MTFR2: variants seen among roughly 807,000 people sequenced by gnomAD.
The protein encoded by MTFR2 is DUF729 domain-containing protein 1.
A neutral mutation model predicts 41.2 loss-of-function variants in MTFR2; 44 were observed. That is an observed-to-expected ratio of 1.07 (90% CI 0.84 to 1.37). The LOEUF (loss-of-function observed/expected upper bound fraction) is 1.37, where lower values mean the gene tolerates loss of function less well. Among genes scored for constraint, MTFR2 ranks in the 40% most tolerant of loss-of-function variants. MTFR2 has a pLI of 0.00. For missense variants in MTFR2, 452 were observed against 459.5 expected (o/e 0.98, Z 0.15); for synonymous variants, 141 against 154.6 (o/e 0.91, Z 0.65).
chr6:136,238,925 A>C (rs1399706723), intron 6 of MTFR2, among the ~76,000 whole-genome samples: 3 of 152,086 alleles, frequency 2.0e-5, no homozygotes, highest in African/African-American at 4.8e-5. Flanking sequence ...AAAATTAGCC[A>C]GGCATGGTGG....
At position 136,239,583 on chromosome 6, in the gene MTFR2, G is replaced by A. The variant is rs149305211; in HGVS notation, c.752C>T (p.Pro251Leu). The change falls in exon 6 of 8, where the codon CCG becomes CTG. Residue 251 changes from proline (P) to leucine (L), a missense_variant. Physicochemically the swap from Pro to Leu is moderately conservative, Grantham distance 98. Transcript: ENST00000420702. ...NPATEMSKQN[P>L]AANKTNYSHH... ...ACTATAATTGGTCTTATTAGCAGCC[G>A]GGTTCTGTTTGCTCATTTCAGTTGC... 71 of 1,613,786 alleles carry A rather than the reference G, an allele frequency of 4.4e-5. No homozygotes were observed. Among genetic ancestry groups the A allele is most frequent in the Middle Eastern group, 1.6e-4 (1 of 6,084 alleles).
intron 7 of MTFR2, 115 bp downstream of exon 7, chr6:136,233,210 C>A: frequency 2.5e-6 from 2 of 809,488 alleles, no homozygotes; most frequent in Non-Finnish European, 3.7e-6. Flanking sequence ...CATCAATAAA[C>A]AATTATATAG....
intron 4 of MTFR2, among the ~76,000 whole-genome samples, chr6:136,242,106 A>AAC (rs1780096375): frequency 6.8e-6 from 1 of 147,812 alleles, no homozygotes; most frequent in African/African-American, 2.6e-5. Flanking sequence ...AAAAAAAAAA[A>AAC]AACCTACTCT....
intron 6 of MTFR2, among the ~76,000 whole-genome samples, chr6:136,237,850 T>C (rs1380815087): frequency 1.1e-4 from 16 of 151,362 alleles, no homozygotes; most frequent in East Asian, 3.9e-4. Flanking sequence ...TTTTTGGACA[T>C]GCAAAGTAGT....
intron 2 of MTFR2, among the ~76,000 whole-genome samples, chr6:136,248,485 C>T (rs1194232317): frequency 6.6e-6 from 1 of 152,220 alleles, no homozygotes; most frequent in Non-Finnish European, 1.5e-5. Context: ...GCTCTCTTGC[C>T]TGCCACCATG....
At position 136,243,008 on chromosome 6, in the gene MTFR2, T is replaced by G. The variant is rs1394764320; in HGVS notation, c.169-35A>C. 7 of 1,467,574 alleles carry G rather than the reference T, an allele frequency of 4.8e-6. No individual in the cohort carries two copies. In the African/African-American group the frequency reaches 8.6e-5, roughly 18 times the overall value. The allele number at this position is 1,467,574 out of a possible 1,614,324, so 90.9% of individuals were successfully genotyped here. ...AAAAAGAAAAAAATAGTCAGAGCTC[T>G]GCAGGGAGTCAGGAGAAGACACATG... is the stretch of plus-strand genomic sequence containing the variant. On this transcript the variant is annotated intron_variant, in intron 3 of 7. Transcript: ENST00000420702.
chr6:136,241,650 T>A lies in MTFR2; in HGVS notation c.308A>T (p.Glu103Val). The A allele has an allele frequency of 6.2e-7, 1 of 1,612,546 alleles. No individual in the cohort carries two copies. The highest frequency in any genetic ancestry group is 8.5e-7 in the Non-Finnish European group (1 of 1,179,656). ...FRNSIWKNEE[E>V]KVEIFHPLRL... ...CAAAGGATGAAAAATTTCCACTTTC[T>A]CTTCTTCATTTTTCCATATACTATT... is the stretch of plus-strand genomic sequence containing the variant. The change falls in exon 5 of 8, where the codon GAG becomes GTG. Residue 103 changes from glutamate (E) to valine (V), a missense_variant. Physicochemically the swap from Glu to Val is moderately radical, Grantham distance 121. Coordinates refer to ENST00000420702, the MANE Select transcript of MTFR2 (RefSeq NM_001099286.3).
In MTFR2 at chr6:136,242,079, CAAAAAAAAAAAAAAA is replaced by C. The variant is rs548176168; in HGVS notation, c.282-418_282-404del. Among the ~76,000 whole-genome samples the C allele has an allele frequency of 3.4e-4, 6 of 17,508 alleles. No homozygotes were observed. In the South Asian group the frequency reaches 0.018, roughly 53 times the overall value. The allele number at this position is 17,508 out of a possible 152,430, so 11.5% of individuals were successfully genotyped here. A position where few individuals can be genotyped will look rare whatever the true frequency, so the allele number is the denominator to read the frequency against. On this transcript the variant is annotated intron_variant, in intron 4 of 7. Coordinates refer to ENST00000420702, the MANE Select transcript of MTFR2 (RefSeq NM_001099286.3). ...TGGTCGACAGAGTAAGACTCTGTCT[CAAAAAAAAAAAAAAA>C]AAAAAAAAAAAAAACCTACTCTCTA...
rs2128459509 is a variant in MTFR2 at position 136,246,836 on chromosome 6, T to C, written c.64-1967A>G. On this transcript the variant is annotated intron_variant, in intron 2 of 7. Transcript: ENST00000420702. ...AATATTTAGAAAAACTACAATTCCA[T>C]GATGACTTCAGCTGGGTTCTCACAG... 1.3e-5 allele frequency among the ~76,000 whole-genome samples: 2 copies of C among 152,342 alleles called. 1 individual carries two copies. The highest frequency in any genetic ancestry group is 6.8e-3 in the Middle Eastern group (2 of 294).
chr6:136,242,977 A>T lies in MTFR2; in HGVS notation c.169-4T>A, dbSNP rs1209846940. 6.3e-7 allele frequency: 1 copy of T among 1,588,270 alleles called. No homozygotes were observed. Among genetic ancestry groups the T allele is most frequent in the African/African-American group, 1.4e-5 (1 of 73,028 alleles). ...CAGAGTTCAAGAGCGGGATCAACTA[A>T]AGTAAAAAAAGAAAAAAATAGTCAG... On this transcript the variant is annotated splice_region_variant and splice_polypyrimidine_tract_variant and intron_variant, in intron 3 of 7. Transcript: ENST00000420702.
At chr6:136,233,725 T>C (rs970520382) in intron 6 of MTFR2, among the ~76,000 whole-genome samples, 3 of 152,144 alleles carry the variant, frequency 2.0e-5, no homozygotes, top group Non-Finnish European at 2.9e-5. Flanking sequence ...TGCCATAACC[T>C]TGTTATGACC....
chr6:136,249,275 T>C (rs1361375854), intron 1 of MTFR2, 122 bp from the exon 2 acceptor site: 4 of 515,288 alleles, frequency 7.8e-6, no homozygotes, highest in Admixed American at 8.4e-5. Flanking sequence ...CCAGCATTCT[T>C]TTAAGTCAGA....
intron 6 of MTFR2, among the ~76,000 whole-genome samples, chr6:136,238,763 G>A (rs2128457733): frequency 6.6e-6 from 1 of 151,728 alleles, no homozygotes; most frequent in South Asian, 2.1e-4. Context: ...CAAATAAAAT[G>A]TAGTCAAAAT....
intron 3 of MTFR2, among the ~76,000 whole-genome samples, chr6:136,243,949 A>T (rs958974682): frequency 6.6e-6 from 1 of 152,090 alleles, no homozygotes; most frequent in Non-Finnish European, 1.5e-5. Context: ...AAAAAATTTT[A>T]AAAGTATAAA....
intron 6 of MTFR2, among the ~76,000 whole-genome samples, chr6:136,238,397 C>T (rs532522823): frequency 2.0e-4 from 30 of 151,844 alleles, no homozygotes; most frequent in South Asian, 6.3e-4. Context: ...TCACTTGAGC[C>T]GAGTTCAAGA....
intron 6 of MTFR2, among the ~76,000 whole-genome samples, chr6:136,233,863 A>T (rs989544928): frequency 9.2e-5 from 14 of 152,140 alleles, no homozygotes; most frequent in African/African-American, 3.4e-4. Context: ...AAAAAAAAAA[A>T]ATTACGCAAA....
chr6:136,235,984 G>C (rs940650828), intron 6 of MTFR2, among the ~76,000 whole-genome samples: 5 of 152,180 alleles, frequency 3.3e-5, no homozygotes, highest in African/African-American at 1.2e-4. Context: ...TGTATCAAAT[G>C]CTGCCAAGAG....
intron 6 of MTFR2, among the ~76,000 whole-genome samples, chr6:136,235,610 G>C (rs1286592953): frequency 6.6e-6 from 1 of 152,166 alleles, no homozygotes; most frequent in Non-Finnish European, 1.5e-5. Flanking sequence ...GAGGAAACCT[G>C]GGGGTATGCT....
At chr6:136,233,204 A>T in intron 7 of MTFR2, 121 bp downstream of exon 7, 1 of 740,138 alleles carries the variant, frequency 1.4e-6, no homozygotes, top group Admixed American at 3.2e-5. Context: ...TAGCAGCATC[A>T]ATAAACAATT....
Sources: gnomAD v4.1 joint callset for allele counts (sites outside exome capture counted in the v4.1 genomes callset) on GRCh38, gnomAD v4.1.1 for gene constraint, MANE v1.5 for transcripts, NCBI Gene and HGNC (gene_info 2026-07-23, HGNC 2026-07-21) for gene names.